The following OPCML variants were observed in gnomAD, a reference collection of about 807,000 sequenced individuals.
OPCML encodes the protein opioid-binding protein/cell adhesion molecule.
A neutral mutation model predicts 37.8 loss-of-function variants in OPCML; 13 were observed. That is an observed-to-expected ratio of 0.34 (90% CI 0.22 to 0.55). OPCML has a LOEUF of 0.55. Among genes scored for constraint, OPCML ranks in the 20% least tolerant of loss-of-function variants. The pLI is 0.91. For missense variants in OPCML, 341 were observed against 435.6 expected (o/e 0.78, Z 1.93); for synonymous variants, 176 against 168.8 (o/e 1.04, Z -0.33).
At chr11:133,207,179 T>C (rs971100737) in intron 1 of OPCML, among the ~76,000 whole-genome samples, 1 of 150,514 alleles carries the variant, frequency 6.6e-6, no homozygotes, top group Admixed American at 6.6e-5. Context: ...GGGCACCTGT[T>C]GTCCCAGCTA....
In OPCML at chr11:133,191,526, T is replaced by TGG. The variant is rs1484637586; in HGVS notation, c.62-248517_62-248516insCC. Among the ~76,000 whole-genome samples, 353 of 151,988 alleles carry TGG rather than the reference T, an allele frequency of 2.3e-3. 3 individuals carry two copies. Among genetic ancestry groups the TGG allele is most frequent in the Non-Finnish European group, 4.1e-3 (278 of 67,938 alleles). On this transcript the variant is annotated intron_variant, in intron 1 of 7. Transcript: ENST00000524381. ...GTGGGTGTGTGTGTGTGTGTGTGTG[T>TGG]GTGTGTGTGTGACGGAGTTTCACTC...
chr11:132,429,603 G>A (rs1326748553), intron 7 of OPCML, among the ~76,000 whole-genome samples: 1 of 152,334 alleles, frequency 6.6e-6, no homozygotes, highest in Non-Finnish European at 1.5e-5. Context: ...CAGGGAGAGA[G>A]AGTGGCTTGT....
chr11:133,142,902 C>A (rs1024947345), intron 1 of OPCML, among the ~76,000 whole-genome samples: 25 of 152,066 alleles, frequency 1.6e-4, no homozygotes, highest in Non-Finnish European at 2.9e-4. Context: ...CAAGTGCCTT[C>A]TCATATTCCT....
chr11:133,444,055 T>C (rs1946420130), intron 1 of OPCML, among the ~76,000 whole-genome samples: 1 of 152,130 alleles, frequency 6.6e-6, no homozygotes, highest in Non-Finnish European at 1.5e-5. Flanking sequence ...ACTGAGATAC[T>C]GGCTTTCCCC....
At chr11:133,109,160 A>G (rs1949211042) in intron 1 of OPCML, among the ~76,000 whole-genome samples, 1 of 151,944 alleles carries the variant, frequency 6.6e-6, no homozygotes, top group Admixed American at 6.6e-5. Flanking sequence ...CTGTGTCTGG[A>G]GTTGGTTCCT....
At chr11:133,485,815 C>G (rs1947514086) in intron 1 of OPCML, among the ~76,000 whole-genome samples, 1 of 152,208 alleles carries the variant, frequency 6.6e-6, no homozygotes, top group Non-Finnish European at 1.5e-5. Context: ...CTGGCATGCA[C>G]ATTCCCAGCT....
At chr11:133,519,766 C>T (rs1168540133) in intron 1 of OPCML, among the ~76,000 whole-genome samples, 2 of 152,166 alleles carry the variant, frequency 1.3e-5, no homozygotes, top group Non-Finnish European at 1.5e-5. Flanking sequence ...TGGCTTCTCC[C>T]GCACCTCTAA....
At chr11:132,436,276 A>C in intron 6 of OPCML, 39 bp from the exon 7 acceptor site, 1 of 1,613,812 alleles carries the variant, frequency 6.2e-7, no homozygotes, top group South Asian at 1.1e-5. Context: ...TCATTCTACA[A>C]AGAGGCCCTC....
chr11:132,816,435 G>T (rs1271821018), intron 2 of OPCML, among the ~76,000 whole-genome samples: 1 of 152,072 alleles, frequency 6.6e-6, no homozygotes, highest in Non-Finnish European at 1.5e-5. Context: ...AATTTTATAT[G>T]ATTTTATGCA....
At chr11:133,425,121 T>C (rs75285503) in intron 1 of OPCML, among the ~76,000 whole-genome samples, 10,653 of 152,246 alleles carry the variant, frequency 0.07, 1,063 homozygotes, top group African/African-American at 0.22. Flanking sequence ...TCCAATTGTT[T>C]ACTCTGAGGT....
chr11:133,368,203 G>A (rs536349793), intron 1 of OPCML, among the ~76,000 whole-genome samples: 1 of 148,902 alleles, frequency 6.7e-6, no homozygotes, highest in East Asian at 2.0e-4. Context: ...GGGAAAGGTA[G>A]AAGGAGGAAG....
chr11:133,516,129 T>C lies in OPCML; in HGVS notation c.61+16135A>G, dbSNP rs1264953654. Among the ~76,000 whole-genome samples, 4 of 152,038 alleles carry C rather than the reference T, an allele frequency of 2.6e-5. No homozygotes were observed. In the East Asian group the frequency reaches 7.8e-4, roughly 30 times the overall value. On this transcript the variant is annotated intron_variant, in intron 1 of 7. Transcript: ENST00000524381. ...ATGAGATCTGGGAGAGCTTGGGGACTGCGACCCCCGCAGAGGGAGAGCAAG... is the reference window on the plus strand; with the variant it reads ...ATGAGATCTGGGAGAGCTTGGGGACCGCGACCCCCGCAGAGGGAGAGCAAG...
intron 4 of OPCML, among the ~76,000 whole-genome samples, chr11:132,477,536 G>C (rs2096161096): frequency 6.6e-6 from 1 of 152,216 alleles, no homozygotes; most frequent in Non-Finnish European, 1.5e-5. Flanking sequence ...ATTCTGGAAA[G>C]CTTGGAACAG....
chr11:133,054,686 C>A (rs535323093), intron 1 of OPCML, among the ~76,000 whole-genome samples: 1 of 152,228 alleles, frequency 6.6e-6, no homozygotes, highest in Non-Finnish European at 1.5e-5. Context: ...TCTGCTCTCT[C>A]CTCATAAAGC....
At chr11:132,846,362 G>A (rs1006580470) in intron 2 of OPCML, among the ~76,000 whole-genome samples, 1 of 152,194 alleles carries the variant, frequency 6.6e-6, no homozygotes, top group Admixed American at 6.5e-5. Context: ...CAAGGTCTAG[G>A]AGTCAACTAC....
chr11:133,168,137 G>A (rs79082056), intron 1 of OPCML, among the ~76,000 whole-genome samples: 7,120 of 152,310 alleles, frequency 0.047, 246 homozygotes, highest in Middle Eastern at 0.14. Context: ...TCACTTGACT[G>A]TAGGTGACCA....
At chr11:133,439,419 C>T (rs745912211) in intron 1 of OPCML, 1 of 985,028 alleles carries the variant, frequency 1.0e-6, no homozygotes, top group Non-Finnish European at 1.2e-6. Context: ...ATAGGAAATG[C>T]TTATGAGGCC....
intron 3 of OPCML, among the ~76,000 whole-genome samples, chr11:132,637,139 A>T (rs1565733312): frequency 6.7e-6 from 1 of 148,616 alleles, no homozygotes; most frequent in Non-Finnish European, 1.5e-5. Flanking sequence ...AAGGAATTAG[A>T]TTTTTTTTTT....
intron 4 of OPCML, among the ~76,000 whole-genome samples, chr11:132,480,572 T>C (rs1311831049): frequency 1.3e-5 from 2 of 152,154 alleles, no homozygotes; most frequent in African/African-American, 4.8e-5. Flanking sequence ...AATTGTCAGA[T>C]TCACCAAAGT....
Sources: allele counts gnomAD v4.1 joint callset (sites outside exome capture counted in the v4.1 genomes callset), GRCh38; gene constraint gnomAD v4.1.1; transcripts MANE v1.5; gene names NCBI Gene and HGNC (gene_info 2026-07-23, HGNC 2026-07-21).